Variants in NRCAM observed in about 807,000 individuals in gnomAD.
NRCAM encodes NgCAM-related cell adhesion molecule.
In NRCAM, 83 loss-of-function variants were observed where a neutral mutation model predicts 156.5. The observed-to-expected ratio is 0.53, with a 90% CI of 0.44 to 0.64. The LOEUF (loss-of-function observed/expected upper bound fraction) is 0.64. Ranked by LOEUF, NRCAM falls within the 30% of genes least tolerant of loss-of-function variation. The pLI, the probability that NRCAM is intolerant of heterozygous loss-of-function variation, is 0.00. For missense variants in NRCAM, 1,417 were observed against 1,597.3 expected (o/e 0.89, Z 1.92); for synonymous variants, 538 against 563.9 (o/e 0.95, Z 0.65).
intron 2 of NRCAM, among the ~76,000 whole-genome samples, chr7:108,329,081 A>G (rs1286487411): frequency 6.6e-6 from 1 of 152,084 alleles, no homozygotes; most frequent in Non-Finnish European, 1.5e-5. Flanking sequence ...AAATATTATA[A>G]CTATTTTTCT....
At chr7:108,429,429 T>G (rs1413871185) in intron 1 of NRCAM, among the ~76,000 whole-genome samples, 1 of 152,194 alleles carries the variant, frequency 6.6e-6, no homozygotes, top group South Asian at 2.1e-4. Context: ...TGACCTCAGG[T>G]AATCCACCCA....
At chr7:108,275,389 C>T (rs1490027305) in intron 3 of NRCAM, among the ~76,000 whole-genome samples, 1 of 152,140 alleles carries the variant, frequency 6.6e-6, no homozygotes, top group Non-Finnish European at 1.5e-5. Flanking sequence ...GATTGGTAGG[C>T]TATTAATTAT....
At chr7:108,368,156 C>T (rs532197822) in intron 2 of NRCAM, among the ~76,000 whole-genome samples, 9 of 151,974 alleles carry the variant, frequency 5.9e-5, no homozygotes, top group African/African-American at 1.9e-4. Context: ...CTGCCTAGAT[C>T]CCACTGTGTT....
Position 108,149,190 on chromosome 7 carries a change from T to C in NRCAM, c.*720A>G, listed in dbSNP as rs2040046970. 1 of 152,656 alleles carries C rather than the reference T, an allele frequency of 6.6e-6. No individual in the cohort carries two copies. 9.5% of individuals were successfully genotyped at this position (152,656 alleles called of 1,614,324 possible). On this transcript the variant is annotated 3_prime_UTR_variant, in exon 33 of 33. Coordinates refer to ENST00000379028, the MANE Select transcript of NRCAM (RefSeq NM_001037132.4). ...TGCCGAAATGCACTGCAATACACAT[T>C]GTTTATGCCTAAAAACAACCGAACA...
intron 1 of NRCAM, among the ~76,000 whole-genome samples, chr7:108,418,069 C>A (rs1396397842): frequency 1.3e-5 from 2 of 152,216 alleles, no homozygotes; most frequent in South Asian, 4.2e-4. Flanking sequence ...TTACATCATG[C>A]CCACAGAAGC....
At chr7:108,359,178 C>T (rs1033526001) in intron 2 of NRCAM, among the ~76,000 whole-genome samples, 1 of 152,204 alleles carries the variant, frequency 6.6e-6, no homozygotes, top group African/African-American at 2.4e-5. Context: ...TTCATCCATC[C>T]ATCCATTTAA....
At chr7:108,335,461 A>ATTTTTTTTTTTTTTTTTTTTTTTTGTTT in intron 2 of NRCAM, among the ~76,000 whole-genome samples, 1 of 25,554 alleles carries the variant, frequency 3.9e-5, no homozygotes, top group South Asian at 1.7e-3. Flanking sequence ...TTTTTTTTTC[A>ATTTTTTTTTTTTTTTTTTTTTTTTGTTT]GTTTTCACTG....
chr7:108,391,943 G>A (rs1348640085), intron 2 of NRCAM, among the ~76,000 whole-genome samples: 25 of 152,202 alleles, frequency 1.6e-4, no homozygotes, highest in African/African-American at 4.3e-4. Flanking sequence ...CGAGAGATCC[G>A]CTGTTAGTCT....
chr7:108,189,627 G>GC lies in NRCAM; in HGVS notation c.2035+17dup, dbSNP rs1371425922. 9.8e-7 allele frequency: 1 copy of GC among 1,016,300 alleles called. No homozygotes were observed. The highest frequency in any genetic ancestry group is 2.4e-5 in the East Asian group (1 of 41,630). 63.0% of individuals were successfully genotyped at this position (1,016,300 alleles called of 1,614,324 possible). ...GGCCATTTAGTTGATCGGAAATAGA[G>GC]CAAATAATACCACATACTTGTAATG... On this transcript the variant is annotated intron_variant, in intron 20 of 32. Coordinates refer to ENST00000379028, the MANE Select transcript of NRCAM (RefSeq NM_001037132.4).
intron 3 of NRCAM, among the ~76,000 whole-genome samples, chr7:108,261,424 T>A (rs1267180963): frequency 6.6e-6 from 1 of 152,212 alleles, no homozygotes; most frequent in African/African-American, 2.4e-5. Flanking sequence ...CTGACAGGTA[T>A]CATTTGGAGA....
chr7:108,417,969 A>C (rs1471669552), intron 1 of NRCAM, among the ~76,000 whole-genome samples: 1 of 152,206 alleles, frequency 6.6e-6, no homozygotes. Flanking sequence ...TTTAGCACTG[A>C]AAGTTGCTAT....
At chr7:108,418,550 A>T (rs548533922) in intron 1 of NRCAM, among the ~76,000 whole-genome samples, 1 of 130,868 alleles carries the variant, frequency 7.6e-6, no homozygotes. Context: ...TTTATCTGGT[A>T]TACATATTAT....
At chr7:108,335,434 CTTTTTTTTTT>C (rs58975301) in intron 2 of NRCAM, among the ~76,000 whole-genome samples, 7 of 69,878 alleles carry the variant, frequency 1.0e-4, no homozygotes, top group Admixed American at 6.5e-4. Flanking sequence ...GTTCCACCTG[CTTTTTTTTTT>C]TTTTTTTTTT....
rs139634064 is a variant in NRCAM, at chr7:108,180,369, T to G, written c.2705A>C (p.Lys902Thr). The G allele has an allele frequency of 2.0e-4, 324 of 1,614,190 alleles. No homozygotes were observed. The highest frequency in any genetic ancestry group is 5.0e-4 in the Middle Eastern group (3 of 6,060). Residue 902 changes from lysine to threonine, a missense_variant, in exon 25 of 33, where the codon AAG becomes ACG. Physicochemically the swap from Lys to Thr is moderately conservative, Grantham distance 78. Around this residue, in one of 2 missense-constraint regions of NRCAM, gnomAD observed 1,238 missense variants for 1,336.4 expected, o/e 0.93. Coordinates refer to ENST00000379028, the MANE Select transcript of NRCAM (RefSeq NM_001037132.4). ...SKRNRRHIEK[K>T]ILTFQGSKTH... is the part of the protein sequence containing the mutation. The stretch of plus-strand genomic sequence containing the variant: ...CTTGCTGCCTTGGAAGGTGAGGATC[T>G]TTTTCTCAATGTGACGTCTGTTTCT...
At chr7:108,260,427 G>A (rs1377796672) in intron 3 of NRCAM, among the ~76,000 whole-genome samples, 1 of 152,164 alleles carries the variant, frequency 6.6e-6, no homozygotes, top group Non-Finnish European at 1.5e-5. Context: ...TGAGGTACAA[G>A]GGGAGAGATG....
chr7:108,158,196 G>T (rs1171283545), intron 32 of NRCAM, among the ~76,000 whole-genome samples: 1 of 152,020 alleles, frequency 6.6e-6, no homozygotes, highest in Non-Finnish European at 1.5e-5. Context: ...TTCAGCTCCA[G>T]AACCAACTTC....
intron 3 of NRCAM, among the ~76,000 whole-genome samples, chr7:108,281,114 C>T (rs773553362): frequency 6.6e-6 from 1 of 152,000 alleles, no homozygotes; most frequent in Non-Finnish European, 1.5e-5. Context: ...TATTTGTTTC[C>T]ATTTTTAAAT....
chr7:108,194,403 G>A lies in NRCAM; in HGVS notation c.1489C>T (p.Leu497Phe). Residue 497 changes from leucine to phenylalanine, a missense_variant, in exon 16 of 33, where the codon CTT (leucine) becomes TTT (phenylalanine). Transcript: ENST00000379028. ...EWFKGAKGSA[L>F]HEDIYVLHEN... is the part of the protein sequence containing the mutation. The stretch of plus-strand genomic sequence containing the variant: ...TGTAAAACATAAATATCTTCATGAA[G>A]AGCACTTCCTTTAGCTCCTTTAAAC... 6.2e-7 allele frequency: 1 copy of A among 1,608,516 alleles called. No individual in the cohort carries two copies. Among genetic ancestry groups the A allele is most frequent in the Non-Finnish European group, 8.5e-7 (1 of 1,177,412 alleles).
intron 3 of NRCAM, among the ~76,000 whole-genome samples, chr7:108,250,355 G>A (rs772745578): frequency 2.7e-5 from 4 of 148,934 alleles, no homozygotes; most frequent in Non-Finnish European, 5.9e-5. Context: ...GAGCCTGGGA[G>A]GCAAAGGTTG....
Sources: allele counts gnomAD v4.1 joint callset (sites outside exome capture counted in the v4.1 genomes callset), GRCh38; gene constraint gnomAD v4.1.1; regional missense constraint gnomAD v4.1.1; transcripts MANE v1.5; gene names NCBI Gene and HGNC (gene_info 2026-07-23, HGNC 2026-07-21).